Variants in ENTPD1 observed in about 807,000 individuals in gnomAD.
ENTPD1 encodes ATP diphosphohydrolase.
A neutral mutation model predicts 57.0 loss-of-function variants in ENTPD1; 33 were observed. The ratio of observed to expected loss-of-function variants is 0.58; its 90% CI spans 0.44 to 0.77. ENTPD1 has a LOEUF of 0.77. ENTPD1 is among the 30% of genes least tolerant of loss of function. The probability of loss-of-function intolerance (pLI) is 0.00; values close to 1 mark genes in which losing one functional copy is unlikely to be tolerated. For synonymous variants in ENTPD1, 202 were observed against 218.8 expected (o/e 0.92, Z 0.68); for missense variants, 501 against 603.4 (o/e 0.83, Z 1.78).
intron 6 of ENTPD1, among the ~76,000 whole-genome samples, chr10:95,847,085 CT>C (rs758554847): frequency 6.6e-5 from 10 of 152,100 alleles, no homozygotes; most frequent in East Asian, 3.9e-4. Flanking sequence ...TGGAGAACTA[CT>C]CCCAGGCCCA....
intron 2 of ENTPD1, chr10:95,839,252 T>A: frequency 4.1e-6 from 1 of 241,402 alleles, no homozygotes; most frequent in South Asian, 5.7e-5. Context: ...AATACCTGGG[T>A]CTAGGACACA....
intron 1 of ENTPD1, among the ~76,000 whole-genome samples, chr10:95,807,760 A>G (rs1239508456): frequency 2.6e-5 from 4 of 152,150 alleles, no homozygotes; most frequent in African/African-American, 9.7e-5. Context: ...AGCTTTGCAC[A>G]TTGATTTTGT....
chr10:95,716,477 T>A (rs980492905), intron 1 of ENTPD1, among the ~76,000 whole-genome samples: 4 of 152,204 alleles, frequency 2.6e-5, no homozygotes, highest in African/African-American at 9.6e-5. Context: ...TAAAAGGCAT[T>A]TGAGTCATGA....
chr10:95,712,267 C>T (rs1772684872), intron 1 of ENTPD1, among the ~76,000 whole-genome samples: 1 of 152,104 alleles, frequency 6.6e-6, no homozygotes, highest in Non-Finnish European at 1.5e-5. Flanking sequence ...AGGACATGGG[C>T]CTAAACCCCC....
intron 1 of ENTPD1, among the ~76,000 whole-genome samples, chr10:95,780,285 T>C (rs2098151750): frequency 6.6e-6 from 1 of 152,174 alleles, no homozygotes; most frequent in South Asian, 2.1e-4. Context: ...CATTAATTTT[T>C]GTGGCCCTTT....
In ENTPD1 at chr10:95,813,644, G is replaced by T. The variant is rs978109178; in HGVS notation, c.17-9593G>T. Among the ~76,000 whole-genome samples, 3 of 152,168 alleles carry T rather than the reference G, an allele frequency of 2.0e-5. No homozygotes were observed. The East Asian group carries it at 5.8e-4, about 29-fold the overall frequency. On this transcript the variant is annotated intron_variant, in intron 1 of 9. Coordinates refer to ENST00000371205, the MANE Select transcript of ENTPD1 (RefSeq NM_001776.6). Reference sequence around the variant, plus strand: ...CCACCCTCCATTCCATCTTGGCCGAGAACGCAGTTTTCAAGGTTTCTCTGG... The same window carrying T: ...CCACCCTCCATTCCATCTTGGCCGATAACGCAGTTTTCAAGGTTTCTCTGG...
At chr10:95,788,818 A>G (rs767363658) in intron 1 of ENTPD1, among the ~76,000 whole-genome samples, 12 of 152,184 alleles carry the variant, frequency 7.9e-5, no homozygotes, top group Non-Finnish European at 1.2e-4. Flanking sequence ...TCTATTTTCT[A>G]AAAATCTCTA....
At chr10:95,773,173 G>C (rs563479743) in intron 1 of ENTPD1, among the ~76,000 whole-genome samples, 30 of 152,240 alleles carry the variant, frequency 2.0e-4, no homozygotes, top group African/African-American at 7.0e-4. Flanking sequence ...ATTGATCTAT[G>C]CATGAGGGAT....
At chr10:95,794,116 A>T (rs928315266) in intron 1 of ENTPD1, among the ~76,000 whole-genome samples, 5 of 152,210 alleles carry the variant, frequency 3.3e-5, no homozygotes, top group Non-Finnish European at 7.3e-5. Context: ...GGTTCTAGTC[A>T]ATCCTTAATT....
At chr10:95,785,194 T>A (rs888117361) in intron 1 of ENTPD1, 1 of 152,216 alleles carries the variant, frequency 6.6e-6, no homozygotes, top group Non-Finnish European at 1.5e-5. Flanking sequence ...CTCTCAGTTG[T>A]TACAACTTGC....
intron 7 of ENTPD1, among the ~76,000 whole-genome samples, chr10:95,851,455 G>C (rs1442023052): frequency 2.0e-5 from 3 of 151,318 alleles, no homozygotes; most frequent in African/African-American, 7.3e-5. Context: ...TATACTTTAA[G>C]TTCTAGGGTA....
chr10:95,862,990 G>A (rs932730503), intron 8 of ENTPD1, among the ~76,000 whole-genome samples: 3 of 152,188 alleles, frequency 2.0e-5, no homozygotes, highest in Non-Finnish European at 4.4e-5. Flanking sequence ...AAGAGAGAGG[G>A]GAAGGTGGGA....
At chr10:95,848,406 A>G (rs2098439298) in intron 7 of ENTPD1, among the ~76,000 whole-genome samples, 1 of 152,096 alleles carries the variant, frequency 6.6e-6, no homozygotes, top group South Asian at 2.1e-4. Flanking sequence ...GTCAGGCAGA[A>G]TCGGGGGAGA....
chr10:95,860,094 A>G (rs1429686006), intron 7 of ENTPD1, among the ~76,000 whole-genome samples: 2 of 152,228 alleles, frequency 1.3e-5, no homozygotes, highest in East Asian at 1.9e-4. Context: ...AGATAACTCA[A>G]TAGTGTTGTA....
intron 7 of ENTPD1, among the ~76,000 whole-genome samples, chr10:95,856,603 T>A (rs1361937379): frequency 6.6e-6 from 1 of 150,844 alleles, no homozygotes; most frequent in African/African-American, 2.4e-5. Context: ...CAAATGCCCA[T>A]CAATCAACAA....
intron 1 of ENTPD1, among the ~76,000 whole-genome samples, chr10:95,794,334 G>T (rs1242884808): frequency 2.0e-5 from 3 of 152,100 alleles, no homozygotes; most frequent in African/African-American, 4.8e-5. Flanking sequence ...AAGTACAGTT[G>T]CCATTTATCG....
chr10:95,860,623 C>G, intron 8 of ENTPD1, 41 bp downstream of exon 8: 1 of 1,542,816 alleles, frequency 6.5e-7, no homozygotes, highest in Non-Finnish European at 8.9e-7. Context: ...CATGAGTGCC[C>G]TGTGTCGTTG....
Position 95,712,069 on chromosome 10 carries a change from CTGTT to C in ENTPD1, c.37+80_37+83del, listed in dbSNP as rs531857088. ...CTGGTAGAGCCGATGGTAAAAATCACTGTTTGTCTCATTTTCATCTCCAAAACCT... is the reference window on the plus strand; with the variant it reads ...CTGGTAGAGCCGATGGTAAAAATCACTGTCTCATTTTCATCTCCAAAACCT... On this transcript the variant is annotated intron_variant, in intron 1 of 9. Coordinates refer to the ENTPD1 transcript ENST00000453258. 235 of 1,599,152 alleles carry C rather than the reference CTGTT, an allele frequency of 1.5e-4. No individual in the cohort carries two copies. The African/African-American group carries it at 2.5e-3, about 17-fold the overall frequency.
the ENTPD1 span, among the ~76,000 whole-genome samples, chr10:95,706,321 A>G: frequency 6.6e-6 from 1 of 152,184 alleles, no homozygotes; most frequent in African/African-American, 2.4e-5. Flanking sequence ...TCCTGCGTCC[A>G]GGAAGAATGA....
Sources: allele counts gnomAD v4.1 joint callset (sites outside exome capture counted in the v4.1 genomes callset), GRCh38; gene constraint gnomAD v4.1.1; transcripts MANE v1.5; gene names NCBI Gene and HGNC (gene_info 2026-07-23, HGNC 2026-07-21).